TBXAS1: variants seen among roughly 807,000 people sequenced by gnomAD.
The protein encoded by TBXAS1 is thromboxane-A synthase.
TBXAS1 carries 48 observed loss-of-function variants against 60.7 expected under a neutral mutation model. The observed-to-expected ratio is 0.79, with a 90% CI of 0.63 to 1.01. TBXAS1 has a LOEUF of 1.01. Ranked by LOEUF, TBXAS1 falls within the 50% of genes least tolerant of loss-of-function variation. TBXAS1 has a pLI of 0.00. For synonymous variants in TBXAS1, 287 were observed against 269.7 expected, an observed-to-expected ratio of 1.06 and a Z score of -0.63; for missense variants, 685 against 686.3, an observed-to-expected ratio of 1.00 and a Z score of 0.02.
intron 4 of TBXAS1, among the ~76,000 whole-genome samples, chr7:139,823,293 G>A (rs901658594): frequency 3.3e-5 from 5 of 152,106 alleles, no homozygotes; most frequent in Non-Finnish European, 7.4e-5. Context: ...TGAGCTCCTT[G>A]TTGGAGAGAT....
chr7:139,944,183 G>A (rs191203952), intron 5 of TBXAS1, among the ~76,000 whole-genome samples: 7 of 152,190 alleles, frequency 4.6e-5, no homozygotes, highest in South Asian at 2.1e-4. Context: ...TTGGCAGGGA[G>A]GAAGCAGTGA....
At chr7:139,873,401 G>A (rs1200480626) in intron 2 of TBXAS1, among the ~76,000 whole-genome samples, 1 of 152,246 alleles carries the variant, frequency 6.6e-6, no homozygotes, top group East Asian at 1.9e-4. Flanking sequence ...GGTTAGAGCT[G>A]TAGAACCCAA....
At chr7:139,794,361 A>G (rs1197159880) in intron 4 of TBXAS1, among the ~76,000 whole-genome samples, 2 of 152,096 alleles carry the variant, frequency 1.3e-5, no homozygotes, top group Non-Finnish European at 2.9e-5. Context: ...TGGCCTCCCA[A>G]AGTGCTGGTA....
chr7:139,998,996 T>C (rs1053859802), intron 9 of TBXAS1, among the ~76,000 whole-genome samples: 1 of 152,256 alleles, frequency 6.6e-6, no homozygotes. Context: ...AATTTCAACA[T>C]CTAAATCTGC....
At chr7:139,901,156 T>C (rs1804535488) in intron 3 of TBXAS1, among the ~76,000 whole-genome samples, 1 of 152,184 alleles carries the variant, frequency 6.6e-6, no homozygotes, top group Non-Finnish European at 1.5e-5. Flanking sequence ...TCAAGGTCTT[T>C]TCAGGAGCTC....
intron 4 of TBXAS1, among the ~76,000 whole-genome samples, chr7:139,930,117 T>G (rs1392740484): frequency 6.6e-6 from 1 of 152,168 alleles, no homozygotes; most frequent in Admixed American, 6.5e-5. Flanking sequence ...ATGCCTTTGC[T>G]GTAATGGTTC....
At chr7:139,785,946 A>G (rs1465164202) in intron 3 of TBXAS1, among the ~76,000 whole-genome samples, 2 of 149,736 alleles carry the variant, frequency 1.3e-5, no homozygotes, top group Non-Finnish European at 3.0e-5. Context: ...AGCCTTTCCT[A>G]TTCCCCAGCC....
At chr7:139,844,542 G>A (rs911150742) in intron 1 of TBXAS1, among the ~76,000 whole-genome samples, 6 of 152,226 alleles carry the variant, frequency 3.9e-5, no homozygotes, top group African/African-American at 7.2e-5. Flanking sequence ...AAAGAAACTC[G>A]ACATTTTCCT....
rs766856447 is a variant in TBXAS1, at chr7:139,852,731, T to C, written c.90-19504T>C. On this transcript the variant is annotated intron_variant, in intron 1 of 12. Transcript: ENST00000448866. This position sits in a 1 kb window ranked among gnomAD's most constrained non-coding sequence, Gnocchi z 4.4. ...CTGTCTGCCAAGCTCAAAGGCAAAA[T>C]TGGTATTTCCCAGGCCTTTTGGACG... 8.5e-5 allele frequency among the ~76,000 whole-genome samples: 13 copies of C among 152,114 alleles called. No homozygotes were observed. The highest frequency in any genetic ancestry group is 1.3e-4 in the Non-Finnish European group (9 of 68,016).
Position 139,947,708 on chromosome 7 carries a change from C to A in TBXAS1, c.451-5660C>A, listed in dbSNP as rs78406816. Among the ~76,000 whole-genome samples the A allele has an allele frequency of 4.0e-3, 607 of 152,322 alleles. 5 individuals carry two copies. The highest frequency in any genetic ancestry group is 0.014 in the African/African-American group (583 of 41,570). Reference sequence around the variant, plus strand: ...CACTGGTTGCCAGACAGCTGCTCAGCCTCACACTCGGCATCACCTGTGTAG... The same window carrying A: ...CACTGGTTGCCAGACAGCTGCTCAGACTCACACTCGGCATCACCTGTGTAG... On this transcript the variant is annotated intron_variant, in intron 5 of 12. Transcript: ENST00000448866.
At chr7:139,796,397 A>C (rs1191280413) in intron 4 of TBXAS1, among the ~76,000 whole-genome samples, 1 of 152,254 alleles carries the variant, frequency 6.6e-6, no homozygotes, top group Non-Finnish European at 1.5e-5. Flanking sequence ...AAAAGGCTGC[A>C]TACTGTGTGA....
At chr7:139,807,906 T>C (rs1569492850) in intron 4 of TBXAS1, among the ~76,000 whole-genome samples, 2 of 152,212 alleles carry the variant, frequency 1.3e-5, no homozygotes, top group Non-Finnish European at 2.9e-5. Flanking sequence ...TTTGCTGACA[T>C]CTGTGGTGTA....
rs750676023 is a variant in TBXAS1 at position 139,955,463 on chromosome 7, T to TA, written c.545dup (p.Tyr182Ter). 4 of 1,614,208 alleles carry TA rather than the reference T, an allele frequency of 2.5e-6. No homozygotes were observed. Among genetic ancestry groups the TA allele is most frequent in the Non-Finnish European group, 3.4e-6 (4 of 1,180,034 alleles). Residue 182 changes from tyrosine to a stop codon, truncating the protein, a stop_gained and frameshift_variant, in exon 7 of 13, where the codon TAC becomes TAAC. Transcript: ENST00000448866. LOFTEE classifies it high-confidence loss of function. ...CTGTGCTCCCATCTCCCGTAGGTGCTACTGCAATTACACCACAGATGTGGT... is the reference window on the plus strand; with the variant it reads ...CTGTGCTCCCATCTCCCGTAGGTGCTAACTGCAATTACACCACAGATGTGGT... ...SGDAFDIQRCYCNYTTDVVAS... is the reference protein window; with the variant it reads ...SGDAFDIQRC
intron 5 of TBXAS1, among the ~76,000 whole-genome samples, chr7:139,940,636 G>A (rs1331808528): frequency 6.6e-6 from 1 of 151,970 alleles, no homozygotes; most frequent in East Asian, 1.9e-4. Context: ...ACCCTCCACT[G>A]CTTTATTTTT....
chr7:139,939,748 G>A (rs1488943419), intron 5 of TBXAS1, among the ~76,000 whole-genome samples: 1 of 152,070 alleles, frequency 6.6e-6, no homozygotes, highest in Admixed American at 6.6e-5. Context: ...CCATATTTAA[G>A]GGAGGAGCGG....
chr7:139,865,713 AGAG>A (rs1359984705), intron 1 of TBXAS1, among the ~76,000 whole-genome samples: 144 of 21,238 alleles, frequency 6.8e-3, no homozygotes, highest in Non-Finnish European at 7.0e-3. Context: ...AGGAGGAGGA[AGAG>A]GAGGAGGAGG....
rs1810387669 is a variant in TBXAS1 at position 139,961,962 on chromosome 7, C to G, written c.863C>G (p.Ser288Cys). 11 of 1,614,258 alleles carry G rather than the reference C, an allele frequency of 6.8e-6. No individual in the cohort carries two copies. Among genetic ancestry groups the G allele is most frequent in the Non-Finnish European group, 9.3e-6 (11 of 1,180,042 alleles). Residue 288 changes from serine (S) to cysteine (C), a missense_variant, in exon 9 of 13, where the codon TCT becomes TGT. Ser to Cys is a moderately radical substitution (Grantham distance 112, BLOSUM62 -1). Coordinates refer to ENST00000448866, the MANE Select transcript of TBXAS1 (RefSeq NM_001061.7). Reference sequence around the variant, plus strand: ...CAAATGGTCCTGGATGCCCGACATTCTGCAAGTCCCATGGGCGTGCAAGAC... The same window carrying G: ...CAAATGGTCCTGGATGCCCGACATTGTGCAAGTCCCATGGGCGTGCAAGAC... ...FLQMVLDARH[S>C]ASPMGVQDFD...
chr7:140,008,330 G>C (rs1814253780), intron 10 of TBXAS1, among the ~76,000 whole-genome samples: 1 of 152,068 alleles, frequency 6.6e-6, no homozygotes, highest in African/African-American at 2.4e-5. Flanking sequence ...AAGCAGGCCA[G>C]TCACTCAGGG....
chr7:139,897,267 A>C (rs1804181704), intron 3 of TBXAS1, among the ~76,000 whole-genome samples: 1 of 151,660 alleles, frequency 6.6e-6, no homozygotes, highest in Non-Finnish European at 1.5e-5. Flanking sequence ...CAGCATGTGC[A>C]AAGGCATGGG....
Sources: allele counts gnomAD v4.1 joint callset (sites outside exome capture counted in the v4.1 genomes callset), GRCh38; gene constraint gnomAD v4.1.1; non-coding constraint Gnocchi (gnomAD v3.1); transcripts MANE v1.5; gene names NCBI Gene and HGNC (gene_info 2026-07-23, HGNC 2026-07-21).